CPEB2: variants seen among roughly 807,000 people sequenced by gnomAD.
CPEB2 encodes cytoplasmic polyadenylation element binding protein 2.
CPEB2 carries 56 observed loss-of-function variants against 93.6 expected under a neutral mutation model. The observed-to-expected ratio is 0.60, with a 90% CI of 0.48 to 0.75. CPEB2 has a LOEUF of 0.75. Among genes scored for constraint, CPEB2 ranks in the 30% least tolerant of loss-of-function variants. CPEB2 has a pLI of 0.00. For missense variants in CPEB2, 1,579 were observed against 1,395.1 expected, an observed-to-expected ratio of 1.13 and a Z score of -2.10; for synonymous variants, 764 against 586.3, an observed-to-expected ratio of 1.30 and a Z score of -4.38.
At chr4:15,055,156 C>T (rs576425606) in intron 8 of CPEB2, among the ~76,000 whole-genome samples, 39 of 152,182 alleles carry the variant, frequency 2.6e-4, no homozygotes, top group South Asian at 1.7e-3. Flanking sequence ...AATTATAGAA[C>T]CTTCACTAAT....
intron 4 of CPEB2, among the ~76,000 whole-genome samples, chr4:15,029,017 C>G (rs1015940449): frequency 5.9e-5 from 9 of 151,918 alleles, no homozygotes; most frequent in African/African-American, 1.7e-4. Flanking sequence ...CCAGGACCAC[C>G]CAGAGATACC....
rs1210828629 is a variant in CPEB2, at chr4:15,003,818, C to A, written c.1145C>A (p.Pro382His). 10 of 990,410 alleles carry A rather than the reference C, an allele frequency of 1.0e-5. No homozygotes were observed. The highest frequency in any genetic ancestry group is 1.7e-5 in the African/African-American group (1 of 57,234). The allele number at this position is 990,410 out of a possible 1,614,324, so 61.4% of individuals were successfully genotyped here. Residue 382 changes from proline to histidine, a missense_variant, in exon 1 of 12, where the codon CCC (proline) becomes CAC (histidine). By Grantham distance (77) the Pro-to-His change is moderately conservative. Coordinates refer to ENST00000538197, the MANE Select transcript of CPEB2 (RefSeq NM_001177382.2). ...SPPPLPGFGT[P>H]WSVQTASPPP... ...CCGCCGCTGCCCGGCTTCGGCACCCCCTGGTCGGTGCAGACCGCGTCGCCG... is the reference window on the plus strand; with the variant it reads ...CCGCCGCTGCCCGGCTTCGGCACCCACTGGTCGGTGCAGACCGCGTCGCCG...
chr4:15,044,860 TAG>T (rs1727507059), intron 6 of CPEB2, among the ~76,000 whole-genome samples: 1 of 152,156 alleles, frequency 6.6e-6, no homozygotes, highest in African/African-American at 2.4e-5. Context: ...CCAGAGACCA[TAG>T]GGGATAGCCA....
rs572843892 is a variant in CPEB2, at chr4:15,049,803, T to C, written c.2201-2611T>C. Among the ~76,000 whole-genome samples the C allele has an allele frequency of 3.3e-5, 5 of 152,312 alleles. No individual in the cohort carries two copies. In the South Asian group the frequency reaches 1.0e-3, roughly 32 times the overall value. On this transcript the variant is annotated intron_variant, in intron 6 of 11. Transcript: ENST00000538197. ...TCTTTAGAATAATTCATTTCCTATA[T>C]CAAATATCATCTTTCTCTCTGTTGT...
At chr4:15,032,691 A>T (rs191836246) in intron 4 of CPEB2, among the ~76,000 whole-genome samples, 12 of 152,264 alleles carry the variant, frequency 7.9e-5, no homozygotes, top group South Asian at 4.1e-4. Flanking sequence ...GCAAGTTGAG[A>T]TGAATTTTTC....
intron 1 of CPEB2, 77 bp from the exon 2 acceptor site, chr4:15,007,228 T>C (rs1722935665): frequency 1.6e-6 from 2 of 1,236,414 alleles, no homozygotes; most frequent in South Asian, 4.1e-5. Flanking sequence ...TATAAATTCT[T>C]AGGTCTGAAA....
intron 11 of CPEB2, among the ~76,000 whole-genome samples, chr4:15,065,108 C>T (rs1161566093): frequency 6.6e-6 from 1 of 152,066 alleles, no homozygotes; most frequent in African/African-American, 2.4e-5. Flanking sequence ...GAACATCCTA[C>T]AGTTCTTGTA....
chr4:15,029,960 G>T (rs1163082389), intron 4 of CPEB2, among the ~76,000 whole-genome samples: 1 of 152,040 alleles, frequency 6.6e-6, no homozygotes, highest in Non-Finnish European at 1.5e-5. Flanking sequence ...ACATGCAGGG[G>T]TACACTTACC....
intron 4 of CPEB2, among the ~76,000 whole-genome samples, chr4:15,027,238 G>C (rs922492768): frequency 6.6e-6 from 1 of 151,716 alleles, no homozygotes; most frequent in East Asian, 1.9e-4. Context: ...GTATTAATTG[G>C]GTAAAAGTCT....
intron 7 of CPEB2, 134 bp from the exon 8 acceptor site, chr4:15,053,994 C>T: frequency 3.6e-6 from 2 of 553,262 alleles, no homozygotes; most frequent in Non-Finnish European, 6.4e-6. Flanking sequence ...AGACATATTC[C>T]CAGTGTTTAT....
In CPEB2 at chr4:15,058,401, ATCT is replaced by A; in HGVS notation, c.2462-18_2462-16del. 7.0e-7 allele frequency: 1 copy of A among 1,435,504 alleles called. No homozygotes were observed. The highest frequency in any genetic ancestry group is 1.2e-5 in the South Asian group (1 of 85,424). The allele number at this position is 1,435,504 out of a possible 1,614,324, so 88.9% of individuals were successfully genotyped here. ...ATCACTTGGCTTGACATATTGCCTCATCTTTAATGGTTATTCCAGGCTATGCAT... is the reference window on the plus strand; with the variant it reads ...ATCACTTGGCTTGACATATTGCCTCATTAATGGTTATTCCAGGCTATGCAT... On this transcript the variant is annotated splice_polypyrimidine_tract_variant and intron_variant, in intron 8 of 11. Coordinates refer to ENST00000538197, the MANE Select transcript of CPEB2 (RefSeq NM_001177382.2).
chr4:15,006,413 A>C, intron 1 of CPEB2: 1 of 149,984 alleles, frequency 6.7e-6, no homozygotes, highest in Non-Finnish European at 1.5e-5. Flanking sequence ...AGCAATGAAT[A>C]CTTCTTAAAA....
intron 4 of CPEB2, 32 bp downstream of exon 4, chr4:15,017,310 T>A: frequency 8.9e-7 from 1 of 1,129,752 alleles, no homozygotes; most frequent in Non-Finnish European, 1.3e-6. Context: ...TATATGTTTA[T>A]ATTATACACC....
chr4:15,023,497 T>A (rs749079173), intron 4 of CPEB2, among the ~76,000 whole-genome samples: 78 of 152,192 alleles, frequency 5.1e-4, no homozygotes, highest in Non-Finnish European at 8.1e-4. Flanking sequence ...TAATCATAAT[T>A]GATATTTTGG....
rs568283244 is a variant in CPEB2 at position 15,019,389 on chromosome 4, C to G, written c.2125+2111C>G. Reference sequence around the variant, plus strand: ...ATATTATGTTGTATATTTTCTTTCTCTCCGTACTCTGATTATTGTACTTTT... The same window carrying G: ...ATATTATGTTGTATATTTTCTTTCTGTCCGTACTCTGATTATTGTACTTTT... On this transcript the variant is annotated intron_variant, in intron 4 of 11. Transcript: ENST00000538197. Among the ~76,000 whole-genome samples, 4 of 150,950 alleles carry G rather than the reference C, an allele frequency of 2.6e-5. No individual in the cohort carries two copies. The South Asian group carries it at 8.3e-4, about 31-fold the overall frequency.
intron 4 of CPEB2, among the ~76,000 whole-genome samples, chr4:15,030,457 C>T (rs1324403296): frequency 6.6e-6 from 1 of 152,010 alleles, no homozygotes; most frequent in South Asian, 2.1e-4. Flanking sequence ...TAGGATCGTT[C>T]TTAGGATTAA....
At position 15,068,647 on chromosome 4, in the gene CPEB2, C is replaced by T. The variant is rs1397585274; in HGVS notation, c.*2267C>T. 1 of 152,048 alleles carries T rather than the reference C, an allele frequency of 6.6e-6. No homozygotes were observed. The highest frequency in any genetic ancestry group is 2.4e-5 in the African/African-American group (1 of 41,362). 9.4% of individuals were successfully genotyped at this position (152,048 alleles called of 1,614,324 possible). A position where few individuals can be genotyped will look rare whatever the true frequency, so the allele number is the denominator to read the frequency against. On this transcript the variant is annotated 3_prime_UTR_variant, in exon 12 of 12. Transcript: ENST00000538197. Reference sequence around the variant, plus strand: ...TTAAACTTTATTTTCATAATTTCTGCTTAATGTTTAAAATTGAAGAGCCTT... The same window carrying T: ...TTAAACTTTATTTTCATAATTTCTGTTTAATGTTTAAAATTGAAGAGCCTT...
chr4:15,019,198 A>T (rs1454311488), intron 4 of CPEB2, among the ~76,000 whole-genome samples: 1 of 151,686 alleles, frequency 6.6e-6, no homozygotes, highest in Non-Finnish European at 1.5e-5. Context: ...GAAAAAAGAA[A>T]AAAATCGAGA....
chr4:15,059,600 A>G (rs1238498545), intron 10 of CPEB2, among the ~76,000 whole-genome samples: 3 of 152,150 alleles, frequency 2.0e-5, no homozygotes, highest in African/African-American at 4.8e-5. Context: ...CCTCTCTGAG[A>G]TAAGAGAATT....
Sources: gnomAD v4.1 joint callset for allele counts (sites outside exome capture counted in the v4.1 genomes callset) on GRCh38, gnomAD v4.1.1 for gene constraint, MANE v1.5 for transcripts, NCBI Gene and HGNC (gene_info 2026-07-23, HGNC 2026-07-21) for gene names.